PARN: variants seen among roughly 807,000 people sequenced by gnomAD.
The protein encoded by PARN is poly(A)-specific ribonuclease.
In PARN, 71 loss-of-function variants were observed where a neutral mutation model predicts 102.8. The observed-to-expected ratio is 0.69, with a 90% confidence interval of 0.57 to 0.84. The LOEUF is 0.84. Among genes scored for constraint, PARN ranks in the 40% least tolerant of loss-of-function variants. PARN has a pLI of 0.00. For missense variants in PARN, 782 were observed against 760.9 expected (o/e 1.03, Z -0.33); for synonymous variants, 261 against 252.9 (o/e 1.03, Z -0.30).
chr16:14,463,958 C>T, intron 22 of PARN, among the ~76,000 whole-genome samples: 1 of 151,962 alleles, frequency 6.6e-6, no homozygotes, highest in African/African-American at 2.4e-5. Flanking sequence ...TTCAGCCACC[C>T]TAGTAACTGG....
chr16:14,574,471 T>C (rs565415172), intron 18 of PARN, among the ~76,000 whole-genome samples: 1 of 152,162 alleles, frequency 6.6e-6, no homozygotes, highest in South Asian at 2.1e-4. Context: ...TCCCAGCACT[T>C]TGGGAAGCCA....
At chr16:14,623,633 T>C (rs1309710150) in intron 5 of PARN, among the ~76,000 whole-genome samples, 1 of 151,894 alleles carries the variant, frequency 6.6e-6, no homozygotes, top group Non-Finnish European at 1.5e-5. Flanking sequence ...GGTCAGGAGT[T>C]TGAGACCAGC....
intron 7 of PARN, among the ~76,000 whole-genome samples, chr16:14,609,357 G>A (rs1351272724): frequency 6.6e-6 from 1 of 151,856 alleles, no homozygotes; most frequent in Non-Finnish European, 1.5e-5. Flanking sequence ...CTTGAGCCCA[G>A]GAGTTCGCGA....
At chr16:14,590,374 C>G (rs1257534438) in intron 13 of PARN, among the ~76,000 whole-genome samples, 1 of 151,362 alleles carries the variant, frequency 6.6e-6, no homozygotes, top group Non-Finnish European at 1.5e-5. Flanking sequence ...GTGGCTCACG[C>G]CTGTAATCCC....
chr16:14,610,882 G>C, intron 6 of PARN, 73 bp from the exon 7 acceptor site: 2 of 970,666 alleles, frequency 2.1e-6, no homozygotes, highest in South Asian at 2.9e-5. Flanking sequence ...ACAAACCAAA[G>C]AGTCTAAATT....
intron 21 of PARN, among the ~76,000 whole-genome samples, chr16:14,484,368 C>T (rs960599022): frequency 6.6e-6 from 1 of 152,146 alleles, no homozygotes; most frequent in African/African-American, 2.4e-5. Flanking sequence ...TAGGCATATG[C>T]GTTCCTAGCC....
At chr16:14,578,608 A>G (rs1969311372) in intron 18 of PARN, 1 of 152,128 alleles carries the variant, frequency 6.6e-6, no homozygotes, top group South Asian at 2.1e-4. Flanking sequence ...GTGAGCCGAG[A>G]TCACGCCATT....
In PARN at chr16:14,627,168, T is replaced by C. The variant is rs1395879971; in HGVS notation, c.265A>G (p.Asn89Asp). Residue 89 changes from asparagine to aspartate, a missense_variant, in exon 5 of 24, where the codon AAC becomes GAC. Transcript: ENST00000437198. ...AAGGGTTTCGGGAAAACATAGAAGT[T>C]AAATGACTTCGTTATATACCTGGGA... Reference protein sequence around the residue: ...TDSKYITKSFNFYVFPKPFNR... With the variant: ...TDSKYITKSFDFYVFPKPFNR... 1 of 1,603,346 alleles carries C rather than the reference T, an allele frequency of 6.2e-7. No individual in the cohort carries two copies. The highest frequency in any genetic ancestry group is 8.5e-7 in the Non-Finnish European group (1 of 1,171,790).
intron 18 of PARN, among the ~76,000 whole-genome samples, chr16:14,571,141 T>G (rs1231131894): frequency 6.6e-6 from 1 of 152,200 alleles, no homozygotes; most frequent in Non-Finnish European, 1.5e-5. Context: ...TCCAACACTT[T>G]GGGAGGCTAG....
At chr16:14,619,701 C>T (rs1003791337) in intron 5 of PARN, among the ~76,000 whole-genome samples, 6 of 151,768 alleles carry the variant, frequency 4.0e-5, no homozygotes, top group African/African-American at 1.5e-4. Flanking sequence ...CCCAGGAGTT[C>T]AAGTCTGCAG....
intron 21 of PARN, among the ~76,000 whole-genome samples, chr16:14,486,824 G>A (rs1187606919): frequency 5.3e-5 from 8 of 152,256 alleles, no homozygotes; most frequent in Non-Finnish European, 1.5e-5. Flanking sequence ...GTCAGAAGCA[G>A]CATGTAGCAG....
intron 21 of PARN, among the ~76,000 whole-genome samples, chr16:14,521,709 G>A (rs960052210): frequency 6.6e-6 from 1 of 151,982 alleles, no homozygotes; most frequent in Admixed American, 6.6e-5. Flanking sequence ...GGCTGAGGCA[G>A]GAGAATTGCT....
intron 21 of PARN, among the ~76,000 whole-genome samples, chr16:14,538,827 A>G (rs1000590855): frequency 6.6e-6 from 1 of 152,140 alleles, no homozygotes; most frequent in African/African-American, 2.4e-5. Context: ...CATCGCTCGC[A>G]TTACCACCTA....
At position 14,583,624 on chromosome 16, in the gene PARN, G is replaced by A. The variant is rs186307994; in HGVS notation, c.1081+723C>T. On this transcript the variant is annotated intron_variant, in intron 16 of 23. Transcript: ENST00000437198. ...TTTCTTGGACTATTACCCAGAAAGG[G>A]GCAAATAACTGTAATCTTGGCTGCT... Among the ~76,000 whole-genome samples the A allele has an allele frequency of 1.3e-4, 20 of 152,206 alleles. No individual in the cohort carries two copies. In the East Asian group the frequency reaches 3.5e-3, roughly 26 times the overall value.
chr16:14,617,616 A>T lies in PARN; in HGVS notation c.362T>A (p.Phe121Tyr). The T allele has an allele frequency of 6.3e-7, 1 of 1,592,914 alleles. No homozygotes were observed. The highest frequency in any genetic ancestry group is 1.1e-5 in the South Asian group (1 of 90,630). ...SSIDFLASQGFDFNKVFRNGI... is the reference protein window; with the variant it reads ...SSIDFLASQGYDFNKVFRNGI... ...ATTTCGAAAAACTTTATTAAAATCA[A>T]ATCCCTGGCTTGCTAGAAAGTCAAT... Residue 121 changes from phenylalanine to tyrosine, a missense_variant, in exon 6 of 24, where the codon TTT becomes TAT. Physicochemically the swap from Phe to Tyr is conservative, Grantham distance 22. Transcript: ENST00000437198.
At chr16:14,577,859 G>T (rs534145071) in intron 18 of PARN, among the ~76,000 whole-genome samples, 1 of 151,348 alleles carries the variant, frequency 6.6e-6, no homozygotes, top group Non-Finnish European at 1.5e-5. Context: ...GTAGAGACAG[G>T]GTTTCGCCAT....
chr16:14,535,416 G>A (rs926811354), intron 21 of PARN, among the ~76,000 whole-genome samples: 7 of 152,152 alleles, frequency 4.6e-5, no homozygotes, highest in African/African-American at 1.7e-4. Context: ...GAAAAGACAA[G>A]TTGTACAAAT....
intron 18 of PARN, among the ~76,000 whole-genome samples, chr16:14,580,476 C>A (rs145124789): frequency 6.6e-6 from 1 of 151,630 alleles, no homozygotes; most frequent in Admixed American, 6.6e-5. Flanking sequence ...TTAATAGAGA[C>A]GAGTTTCATC....
At chr16:14,516,734 C>G (rs1050884404) in intron 21 of PARN, among the ~76,000 whole-genome samples, 3 of 152,150 alleles carry the variant, frequency 2.0e-5, no homozygotes, top group Admixed American at 1.3e-4. Flanking sequence ...AGTAGATGAC[C>G]AAACTCATGG....
Sources: gnomAD v4.1 joint callset for allele counts (sites outside exome capture counted in the v4.1 genomes callset) on GRCh38, gnomAD v4.1.1 for gene constraint, MANE v1.5 for transcripts, NCBI Gene and HGNC (gene_info 2026-07-23, HGNC 2026-07-21) for gene names.